PDE7B: variants seen among roughly 807,000 people sequenced by gnomAD.
PDE7B encodes the protein phosphodiesterase 7B, also known as 3',5'-cyclic-AMP phosphodiesterase 7B.
A neutral mutation model predicts 56.2 loss-of-function variants in PDE7B; 29 were observed. The observed-to-expected ratio is 0.52, with a 90% CI of 0.38 to 0.70. The LOEUF (loss-of-function observed/expected upper bound fraction) is 0.70. PDE7B is among the 30% of genes least tolerant of loss of function. The pLI is 0.00. For synonymous variants in PDE7B, 197 were observed against 196.9 expected, an observed-to-expected ratio of 1.00 and a Z score of 0.00; for missense variants, 490 against 565.0, an observed-to-expected ratio of 0.87 and a Z score of 1.35.
chr6:135,917,764 A>G (rs142256571), intron 1 of PDE7B, among the ~76,000 whole-genome samples: 1 of 152,268 alleles, frequency 6.6e-6, no homozygotes, highest in East Asian at 1.9e-4. Context: ...TAGGAAGTTA[A>G]TTTACTTATG....
chr6:136,163,366 T>C (rs1336925462), intron 8 of PDE7B, among the ~76,000 whole-genome samples: 1 of 152,230 alleles, frequency 6.6e-6, no homozygotes, highest in Non-Finnish European at 1.5e-5. Flanking sequence ...CTTTGGCCCC[T>C]TTTAGCCACG....
chr6:136,052,366 C>G (rs1776644394), intron 2 of PDE7B, among the ~76,000 whole-genome samples: 1 of 152,174 alleles, frequency 6.6e-6, no homozygotes, highest in Non-Finnish European at 1.5e-5. Flanking sequence ...GTATGTGGAG[C>G]AGTTTTTGAT....
intron 3 of PDE7B, among the ~76,000 whole-genome samples, chr6:136,142,866 C>T (rs922673460): frequency 2.6e-5 from 4 of 152,082 alleles, no homozygotes; most frequent in African/African-American, 9.7e-5. Context: ...AATGGGTTTC[C>T]TGAATACAGC....
At chr6:136,123,086 T>C (rs986876315) in intron 3 of PDE7B, among the ~76,000 whole-genome samples, 2 of 16,492 alleles carry the variant, frequency 1.2e-4, no homozygotes, top group African/African-American at 5.4e-4. Flanking sequence ...TCCATCTAGG[T>C]GCGGTGGCTA....
chr6:136,125,831 G>A (rs979549148), intron 3 of PDE7B, among the ~76,000 whole-genome samples: 40 of 151,900 alleles, frequency 2.6e-4, no homozygotes, highest in Admixed American at 2.4e-3. Context: ...CAGCCTTCCC[G>A]GGGCGTTTTT....
chr6:135,956,699 G>A lies in PDE7B; in HGVS notation c.82+9175G>A, dbSNP rs1583794321. Among the ~76,000 whole-genome samples, 3 of 152,154 alleles carry A rather than the reference G, an allele frequency of 2.0e-5. No individual in the cohort carries two copies. The South Asian group carries it at 6.2e-4, about 32-fold the overall frequency. ...GGAGGCTGAGGTGGGAAGATCCATT[G>A]AGCCCAGGAGGTCAAGGCTGCAGTG... On this transcript the variant is annotated intron_variant, in intron 2 of 12. Coordinates refer to ENST00000308191, the MANE Select transcript of PDE7B (RefSeq NM_018945.4).
intron 2 of PDE7B, among the ~76,000 whole-genome samples, chr6:136,053,684 A>T (rs1776675651): frequency 6.6e-6 from 1 of 152,092 alleles, no homozygotes; most frequent in South Asian, 2.1e-4. Context: ...AACATTGTAA[A>T]AGTGTTCCTA....
intron 2 of PDE7B, among the ~76,000 whole-genome samples, chr6:136,072,388 C>T (rs966360620): frequency 6.6e-6 from 1 of 152,112 alleles, no homozygotes; most frequent in South Asian, 2.1e-4. Context: ...TGAGTTCTTG[C>T]TGTGTTGCCC....
At chr6:136,067,731 A>C (rs1012428667) in intron 2 of PDE7B, among the ~76,000 whole-genome samples, 80 of 152,292 alleles carry the variant, frequency 5.3e-4, no homozygotes, top group African/African-American at 1.8e-3. Context: ...GTGTTTTTCA[A>C]GTGCTGGAAG....
chr6:136,033,914 C>T (rs1776284654), intron 2 of PDE7B: 1 of 151,474 alleles, frequency 6.6e-6, no homozygotes, highest in Non-Finnish European at 1.5e-5. Context: ...GTTTACACAT[C>T]CATACTTGAA....
At chr6:136,090,290 T>A (rs1254289445) in intron 2 of PDE7B, among the ~76,000 whole-genome samples, 2 of 152,212 alleles carry the variant, frequency 1.3e-5, no homozygotes, top group Non-Finnish European at 2.9e-5. Flanking sequence ...CAGGAGGATG[T>A]CTTCCATAAA....
chr6:136,140,211 C>A (rs1158033353), intron 3 of PDE7B, among the ~76,000 whole-genome samples: 1 of 152,140 alleles, frequency 6.6e-6, no homozygotes, highest in Non-Finnish European at 1.5e-5. Flanking sequence ...TTCCCAGTAG[C>A]ATTTATTAAA....
chr6:136,166,850 A>T (rs563179798), intron 8 of PDE7B, among the ~76,000 whole-genome samples: 45 of 152,322 alleles, frequency 3.0e-4, no homozygotes, highest in African/African-American at 9.6e-4. Context: ...AATGTAAGTC[A>T]TAATTTTACT....
chr6:135,969,429 G>A (rs1018375792), intron 2 of PDE7B, among the ~76,000 whole-genome samples: 2 of 152,106 alleles, frequency 1.3e-5, no homozygotes, highest in Non-Finnish European at 2.9e-5. Context: ...ATGAATCAGA[G>A]CTTGTTAGCA....
Position 136,192,384 on chromosome 6 carries a change from A to G in PDE7B, c.*544A>G, listed in dbSNP as rs1004304273. On this transcript the variant is annotated 3_prime_UTR_variant, in exon 13 of 13. Transcript: ENST00000308191. Reference sequence around the variant, plus strand: ...TTTTAACTTTTATATTTTATGCACTAGACAATGGATCTGCAACTTTGGACT... The same window carrying G: ...TTTTAACTTTTATATTTTATGCACTGGACAATGGATCTGCAACTTTGGACT... 6.6e-6 allele frequency: 1 copy of G among 152,240 alleles called. No individual in the cohort carries two copies. The highest frequency in any genetic ancestry group is 2.4e-5 in the African/African-American group (1 of 41,468). 9.4% of individuals were successfully genotyped at this position (152,240 alleles called of 1,614,324 possible). A position where few individuals can be genotyped will look rare whatever the true frequency, so the allele number is the denominator to read the frequency against.
chr6:136,011,142 C>A lies in PDE7B; in HGVS notation c.82+63618C>A, dbSNP rs182648369. ...TAATAATGGGTTTTCACTTCTAACT[C>A]CCCCTTTCTCCCCATCAAAAAAACA... is the stretch of plus-strand genomic sequence containing the variant. On this transcript the variant is annotated intron_variant, in intron 2 of 12. Transcript: ENST00000308191. Among the ~76,000 whole-genome samples the A allele has an allele frequency of 3.5e-3, 535 of 152,216 alleles. 1 individual carries two copies. Among genetic ancestry groups the A allele is most frequent in the African/African-American group, 0.011 (453 of 41,544 alleles).
At chr6:135,995,496 G>A (rs181546539) in intron 2 of PDE7B, among the ~76,000 whole-genome samples, 2 of 152,346 alleles carry the variant, frequency 1.3e-5, no homozygotes, top group East Asian at 1.9e-4. Flanking sequence ...TGATGAGTAT[G>A]AGTCGATTCA....
At chr6:136,075,633 C>T (rs923254260) in intron 2 of PDE7B, among the ~76,000 whole-genome samples, 2 of 152,154 alleles carry the variant, frequency 1.3e-5, no homozygotes, top group African/African-American at 4.8e-5. Flanking sequence ...ATTCAGAGTG[C>T]CTTCAATGCA....
chr6:135,940,311 G>A (rs544873542), intron 1 of PDE7B, among the ~76,000 whole-genome samples: 1 of 152,188 alleles, frequency 6.6e-6, no homozygotes, highest in Non-Finnish European at 1.5e-5. Context: ...CCAGTCAGGG[G>A]TGGGTACCCA....
Sources: gnomAD v4.1 joint callset for allele counts (sites outside exome capture counted in the v4.1 genomes callset) on GRCh38, gnomAD v4.1.1 for gene constraint, MANE v1.5 for transcripts, NCBI Gene and HGNC (gene_info 2026-07-23, HGNC 2026-07-21) for gene names.